Variants in STRN3 observed in about 807,000 individuals in gnomAD.
STRN3 encodes the protein striatin 3, also known as striatin-3.
Under a neutral mutation model 95.6 loss-of-function variants are expected in STRN3, and 29 were observed. The observed-to-expected ratio is 0.30, with a 90% confidence interval of 0.23 to 0.41. The LOEUF is 0.41. Among genes scored for constraint, STRN3 ranks in the 10% least tolerant of loss-of-function variants. STRN3 has a pLI of 1.00. For synonymous variants in STRN3, 331 were observed against 357.6 expected, an observed-to-expected ratio of 0.93 and a Z score of 0.84; for missense variants, 890 against 972.1, an observed-to-expected ratio of 0.92 and a Z score of 1.12.
intron 1 of STRN3, among the ~76,000 whole-genome samples, chr14:30,990,381 G>A (rs1881897549): frequency 6.6e-6 from 1 of 151,766 alleles, no homozygotes; most frequent in South Asian, 2.1e-4. Flanking sequence ...TATTAGCCAG[G>A]ATGGTCTCGA....
At chr14:30,993,350 C>T (rs1882053320) in intron 1 of STRN3, among the ~76,000 whole-genome samples, 1 of 151,560 alleles carries the variant, frequency 6.6e-6, no homozygotes. Context: ...GTAGGGAGAA[C>T]ATGACTATTT....
At chr14:31,008,368 C>G (rs1017197020) in intron 1 of STRN3, among the ~76,000 whole-genome samples, 6 of 151,646 alleles carry the variant, frequency 4.0e-5, no homozygotes, top group Admixed American at 3.3e-4. Context: ...ACTAGCTGGG[C>G]GTGGGAGTAC....
intron 1 of STRN3, among the ~76,000 whole-genome samples, chr14:30,960,844 G>A (rs1880161261): frequency 6.9e-6 from 1 of 144,816 alleles, no homozygotes; most frequent in Non-Finnish European, 1.5e-5. Flanking sequence ...ACTTCAGCCT[G>A]GGCCACAGAG....
At chr14:30,953,199 T>C (rs1334099147) in intron 3 of STRN3, among the ~76,000 whole-genome samples, 2 of 152,122 alleles carry the variant, frequency 1.3e-5, no homozygotes, top group Non-Finnish European at 2.9e-5. Context: ...GTACATCAAG[T>C]GTATAGCTCA....
intron 13 of STRN3, among the ~76,000 whole-genome samples, chr14:30,908,609 G>A (rs577595547): frequency 7.2e-5 from 11 of 152,234 alleles, no homozygotes; most frequent in African/African-American, 1.9e-4. Context: ...AGCAACATTC[G>A]AAAGTGCAGA....
intron 1 of STRN3, among the ~76,000 whole-genome samples, chr14:30,980,234 G>C (rs1487553158): frequency 6.6e-6 from 1 of 151,986 alleles, no homozygotes; most frequent in Non-Finnish European, 1.5e-5. Context: ...GACAGAGCAA[G>C]ACTCTGTATG....
chr14:31,013,889 T>TTGAGACAGAGTGTC (rs150687417), intron 1 of STRN3, among the ~76,000 whole-genome samples: 68 of 141,972 alleles, frequency 4.8e-4, no homozygotes, highest in Admixed American at 7.8e-4. Flanking sequence ...TTATTATTAT[T>TTGAGACAGAGTGTC]ATTATTATTA....
At chr14:30,924,393 T>A (rs184599116) in intron 8 of STRN3, among the ~76,000 whole-genome samples, 18 of 149,536 alleles carry the variant, frequency 1.2e-4, no homozygotes, top group Non-Finnish European at 2.1e-4. Context: ...GTTCAAGCGA[T>A]TCTCCTGCCT....
chr14:31,001,390 G>A (rs1882442349), intron 1 of STRN3, among the ~76,000 whole-genome samples: 1 of 151,854 alleles, frequency 6.6e-6, no homozygotes, highest in Admixed American at 6.6e-5. Flanking sequence ...TAAAAATTTT[G>A]CCGGGCATGG....
At chr14:30,941,635 T>C (rs1257426674) in intron 5 of STRN3, among the ~76,000 whole-genome samples, 1 of 149,922 alleles carries the variant, frequency 6.7e-6, no homozygotes, top group East Asian at 2.0e-4. Context: ...AAACTTTTTT[T>C]TTCCCCCCAA....
At chr14:30,940,236 C>G (rs1172348040) in intron 5 of STRN3, among the ~76,000 whole-genome samples, 3 of 152,156 alleles carry the variant, frequency 2.0e-5, no homozygotes, top group Non-Finnish European at 4.4e-5. Context: ...ACAACTGTTT[C>G]CTGAAATTTC....
At chr14:30,948,456 A>G (rs1879474875) in intron 4 of STRN3, among the ~76,000 whole-genome samples, 1 of 152,212 alleles carries the variant, frequency 6.6e-6, no homozygotes, top group Non-Finnish European at 1.5e-5. Context: ...CCAAAGGACT[A>G]GAATCATAAT....
intron 1 of STRN3, 104 bp from the exon 2 acceptor site, chr14:30,956,346 T>C (rs1879903389): frequency 1.1e-5 from 12 of 1,057,634 alleles, no homozygotes; most frequent in South Asian, 9.9e-5. Context: ...TGACTCATGA[T>C]ATCAAGATTT....
chr14:30,942,542 C>T (rs1405497509), intron 5 of STRN3, among the ~76,000 whole-genome samples: 6 of 152,050 alleles, frequency 3.9e-5, no homozygotes, highest in African/African-American at 7.2e-5. Context: ...ATTCCAAACA[C>T]GGTTAAAAAA....
intron 4 of STRN3, among the ~76,000 whole-genome samples, chr14:30,949,516 CAGA>C (rs1386320075): frequency 6.6e-6 from 1 of 152,062 alleles, no homozygotes; most frequent in Non-Finnish European, 1.5e-5. Context: ...GAGGCAGAGG[CAGA>C]AGAATTGCTT....
At chr14:30,908,124 C>G (rs949918566) in intron 13 of STRN3, among the ~76,000 whole-genome samples, 1 of 152,124 alleles carries the variant, frequency 6.6e-6, no homozygotes, top group Non-Finnish European at 1.5e-5. Context: ...AGGCTAATAC[C>G]AGATGTCACT....
At chr14:30,970,530 T>C (rs1180845577) in intron 1 of STRN3, among the ~76,000 whole-genome samples, 4 of 152,196 alleles carry the variant, frequency 2.6e-5, no homozygotes, top group Non-Finnish European at 4.4e-5. Context: ...GTTCTTCCCT[T>C]TTCTAAGCCA....
Position 30,911,027 on chromosome 14 carries a change from A to G in STRN3, c.1720+14T>C, listed in dbSNP as rs755007470. 1 of 1,608,872 alleles carries G rather than the reference A, an allele frequency of 6.2e-7. No homozygotes were observed. The highest frequency in any genetic ancestry group is 8.5e-7 in the Non-Finnish European group (1 of 1,178,578). On this transcript the variant is annotated intron_variant, in intron 13 of 17. Coordinates refer to ENST00000357479, the MANE Select transcript of STRN3 (RefSeq NM_001083893.2). ...ATTCACTTAAAAAAAATACATTTTG[A>G]TCATTTTACTTACCATATGTATCAT...
At chr14:30,931,109 A>G (rs1232233836) in intron 7 of STRN3, among the ~76,000 whole-genome samples, 1 of 152,176 alleles carries the variant, frequency 6.6e-6, no homozygotes, top group Non-Finnish European at 1.5e-5. Flanking sequence ...AAAAAGGATA[A>G]GCTTAAGGAA....
Sources: gnomAD v4.1 joint callset for allele counts (sites outside exome capture counted in the v4.1 genomes callset) on GRCh38, gnomAD v4.1.1 for gene constraint, MANE v1.5 for transcripts, NCBI Gene and HGNC (gene_info 2026-07-23, HGNC 2026-07-21) for gene names.